Variants in PDZD9 observed in about 807,000 individuals in gnomAD.
PDZD9 encodes PDZ domain-containing protein 9.
Under a neutral mutation model 16.3 loss-of-function variants are expected in PDZD9, and 13 were observed. The observed-to-expected ratio is 0.80, with a 90% CI of 0.52 to 1.27. The LOEUF (loss-of-function observed/expected upper bound fraction) is 1.27. Among genes scored for constraint, PDZD9 ranks in the 50% most tolerant of loss-of-function variants. The probability of loss-of-function intolerance (pLI) is 0.00; values close to 1 mark genes in which losing one functional copy is unlikely to be tolerated. For synonymous variants in PDZD9, 120 were observed against 111.0 expected (o/e 1.08, Z -0.51); for missense variants, 288 against 310.9 (o/e 0.93, Z 0.55).
chr16:21,959,745 A>G, the PDZD9 span: 1 of 152,252 alleles, frequency 6.6e-6, no homozygotes, highest in Non-Finnish European at 1.5e-5. Context: ...TATTTCTTAA[A>G]TAATAAGACT....
At chr16:21,961,646 ATATATAT>A in the PDZD9 span, among the ~76,000 whole-genome samples, 1 of 98,772 alleles carries the variant, frequency 1.0e-5, no homozygotes, top group East Asian at 2.4e-4. Flanking sequence ...ATATATATAT[ATATATAT>A]ATATATATAT....
chr16:21,966,421 T>TA, the PDZD9 span, among the ~76,000 whole-genome samples: 1 of 152,148 alleles, frequency 6.6e-6, no homozygotes, highest in Non-Finnish European at 1.5e-5. Flanking sequence ...CAAGTGTAGA[T>TA]ATGTGCGTAT....
At chr16:21,993,542 A>G (rs2141960471) in intron 2 of PDZD9, among the ~76,000 whole-genome samples, 1 of 152,326 alleles carries the variant, frequency 6.6e-6, no homozygotes, top group South Asian at 2.1e-4. Context: ...TTCTTCTTTA[A>G]TCCATTGCTT....
the PDZD9 span, chr16:21,976,149 T>C: frequency 6.2e-7 from 1 of 1,608,468 alleles, no homozygotes; most frequent in African/African-American, 1.3e-5. Context: ...GATGACCAAC[T>C]TTTCTTATCT....
chr16:21,992,285 A>G (rs1017684295), intron 2 of PDZD9, among the ~76,000 whole-genome samples: 2 of 152,170 alleles, frequency 1.3e-5, no homozygotes, highest in Non-Finnish European at 2.9e-5. Flanking sequence ...ATAGATGGGG[A>G]AATATCTCCC....
At chr16:21,979,120 C>A (rs1420707215), downstream of PDZD9, among the ~76,000 whole-genome samples, 1 of 152,158 alleles carries the variant, frequency 6.6e-6, no homozygotes, top group Non-Finnish European at 1.5e-5. Flanking sequence ...AAGACTGTGA[C>A]CTTTATAACA....
chr16:21,959,868 T>G, the PDZD9 span: 1 of 152,234 alleles, frequency 6.6e-6, no homozygotes, highest in Admixed American at 6.5e-5. Context: ...TTGGCATTGT[T>G]GCAGTAATAA....
chr16:21,982,274 GCTC>G (rs1898750792), downstream of PDZD9, among the ~76,000 whole-genome samples: 1 of 152,090 alleles, frequency 6.6e-6, no homozygotes, highest in Admixed American at 6.6e-5. Context: ...GGGGGCTGCT[GCTC>G]CACCTACACC....
At chr16:21,958,568 C>T in the PDZD9 span, 10 of 1,612,308 alleles carry the variant, frequency 6.2e-6, no homozygotes, top group South Asian at 1.1e-5. Flanking sequence ...CAAGATAACC[C>T]GTGGAATTGA....
chr16:21,980,839 G>T (rs1481004614), downstream of PDZD9: 14 of 977,670 alleles, frequency 1.4e-5, no homozygotes, highest in African/African-American at 1.5e-4. Context: ...GAGGCAGGAG[G>T]GCTCATTCCC....
In PDZD9 at chr16:21,984,275, C is replaced by G. The variant is rs1272405347; in HGVS notation, c.787G>C (p.Val263Leu). The change falls in exon 4 of 4, where the codon GTT becomes CTT. Residue 263 changes from valine (V) to leucine (L), a missense_variant. By Grantham distance (32) the Val-to-Leu change is conservative. Transcript: ENST00000424898. ...EEGKAQLVSK[V>L]G ...ATATGACCACAGATTTGCTAACCAA[C>G]CTTTGATACCAGTTGGGCTTTACCC... 1 of 1,605,442 alleles carries G rather than the reference C, an allele frequency of 6.2e-7. No homozygotes were observed. The highest frequency in any genetic ancestry group is 8.5e-7 in the Non-Finnish European group (1 of 1,174,326).
the PDZD9 span, among the ~76,000 whole-genome samples, chr16:21,975,328 G>T: frequency 6.6e-6 from 1 of 152,156 alleles, no homozygotes; most frequent in South Asian, 2.1e-4. Flanking sequence ...GAAGAATAAG[G>T]ATAGTGAGAT....
At chr16:21,982,994 T>G, downstream of PDZD9, 12 of 870,380 alleles carry the variant, frequency 1.4e-5, no homozygotes, top group Non-Finnish European at 1.8e-5. Flanking sequence ...GAATGTCCTA[T>G]CCATAAATTC....
the PDZD9 span, chr16:21,957,583 C>T: frequency 6.2e-7 from 1 of 1,611,090 alleles, no homozygotes; most frequent in Non-Finnish European, 8.5e-7. Flanking sequence ...ATCTTCACTT[C>T]CTCAAGTGTT....
intron 3 of PDZD9, among the ~76,000 whole-genome samples, chr16:21,985,566 C>T (rs945762420): frequency 5.9e-5 from 9 of 152,126 alleles, no homozygotes; most frequent in Non-Finnish European, 1.3e-4. Context: ...GCCTACAGTA[C>T]CTGTGCTTGC....
the PDZD9 span, chr16:21,972,258 T>C: frequency 8.6e-7 from 1 of 1,165,700 alleles, no homozygotes. Flanking sequence ...TAGCCAGGCT[T>C]GATTTTAGTA....
chr16:22,000,917 T>C, intron 1 of PDZD9, 100 bp downstream of exon 1: 1 of 1,230,050 alleles, frequency 8.1e-7, no homozygotes, highest in Non-Finnish European at 1.1e-6. Context: ...AGAGGTTATC[T>C]CCCAGGCCAA....
chr16:21,982,294 A>T (rs994433869), downstream of PDZD9, among the ~76,000 whole-genome samples: 1 of 152,178 alleles, frequency 6.6e-6, no homozygotes. Flanking sequence ...CACCTGACTC[A>T]TGATACTACA....
chr16:21,995,130 T>G (rs1335543892), intron 2 of PDZD9: 3 of 420,878 alleles, frequency 7.1e-6, no homozygotes, highest in Non-Finnish European at 9.5e-6. Context: ...ATTTCCCCCT[T>G]CCTGTTCTCG....
Sources: gnomAD v4.1 joint callset for allele counts (sites outside exome capture counted in the v4.1 genomes callset) on GRCh38, gnomAD v4.1.1 for gene constraint, MANE v1.5 for transcripts, NCBI Gene and HGNC (gene_info 2026-07-23, HGNC 2026-07-21) for gene names.